The following PDS5B variants were observed in gnomAD, a reference collection of about 807,000 sequenced individuals.
PDS5B encodes the protein PDS5 cohesin associated factor B, also known as sister chromatid cohesion protein PDS5 homolog B.
In PDS5B, 51 loss-of-function variants were observed where a neutral mutation model predicts 184.1. That is an observed-to-expected ratio of 0.28 (90% CI 0.22 to 0.35). The LOEUF (loss-of-function observed/expected upper bound fraction) is 0.35, where lower values mean the gene tolerates loss of function less well. Ranked by LOEUF, PDS5B falls within the 10% of genes least tolerant of loss-of-function variation. The pLI, the probability that PDS5B is intolerant of heterozygous loss-of-function variation, is 1.00. For synonymous variants in PDS5B, 566 were observed against 569.2 expected (o/e 0.99, Z 0.08); for missense variants, 1,180 against 1,723.3 (o/e 0.68, Z 5.58).
rs536350070 is a variant in PDS5B at position 32,685,762 on chromosome 13, C to T, written c.1204-1372C>T. On this transcript the variant is annotated intron_variant, in intron 11 of 34. Coordinates refer to ENST00000315596, the MANE Select transcript of PDS5B (RefSeq NM_015032.4). ...GGTTCCAACAGTCCTCCCACCTCAG[C>T]CTCCTGAGTAGGTGGTACTACAGGC... is the stretch of plus-strand genomic sequence containing the variant. Among the ~76,000 whole-genome samples, 11 of 152,272 alleles carry T rather than the reference C, an allele frequency of 7.2e-5. No individual in the cohort carries two copies. The East Asian group carries it at 1.9e-3, about 27-fold the overall frequency.
At chr13:32,707,745 A>C (rs1458422872) in intron 18 of PDS5B, among the ~76,000 whole-genome samples, 1 of 150,388 alleles carries the variant, frequency 6.6e-6, no homozygotes, top group African/African-American at 2.5e-5. Context: ...AAGGACGTTA[A>C]AGCTTGTACA....
chr13:32,767,578 A>G (rs1249070238), intron 31 of PDS5B, among the ~76,000 whole-genome samples: 1 of 152,186 alleles, frequency 6.6e-6, no homozygotes, highest in East Asian at 1.9e-4. Flanking sequence ...AACCAGTGCA[A>G]CAACAAACAT....
At chr13:32,743,507 G>A (rs1327407091) in intron 23 of PDS5B, among the ~76,000 whole-genome samples, 1 of 152,130 alleles carries the variant, frequency 6.6e-6, no homozygotes, top group Non-Finnish European at 1.5e-5. Flanking sequence ...TGTAAACCAA[G>A]TGCCATTTGG....
chr13:32,640,733 T>C (rs1383338308), intron 1 of PDS5B, among the ~76,000 whole-genome samples: 1 of 151,756 alleles, frequency 6.6e-6, no homozygotes, highest in Non-Finnish European at 1.5e-5. Context: ...TTAAAGTTTA[T>C]ATTTTTTAAA....
intron 1 of PDS5B, among the ~76,000 whole-genome samples, chr13:32,590,474 G>T (rs930568305): frequency 6.6e-6 from 1 of 152,146 alleles, no homozygotes; most frequent in African/African-American, 2.4e-5. Flanking sequence ...ACTTAGTTCC[G>T]AAGGAGCAGG....
intron 7 of PDS5B, among the ~76,000 whole-genome samples, chr13:32,670,507 C>T (rs762187695): frequency 6.6e-6 from 1 of 152,086 alleles, no homozygotes; most frequent in Non-Finnish European, 1.5e-5. Flanking sequence ...AGATTATAGG[C>T]GTGAACCACC....
intron 21 of PDS5B, among the ~76,000 whole-genome samples, chr13:32,736,852 A>G (rs776026062): frequency 5.9e-5 from 9 of 151,648 alleles, no homozygotes; most frequent in Admixed American, 3.3e-4. Context: ...TTTCTGACCT[A>G]TCTTTGAGTT....
At chr13:32,731,875 A>G (rs1196677339) in intron 19 of PDS5B, among the ~76,000 whole-genome samples, 1 of 152,128 alleles carries the variant, frequency 6.6e-6, no homozygotes. Flanking sequence ...AGTGTTTGCT[A>G]TTGGTGAATA....
intron 20 of PDS5B, among the ~76,000 whole-genome samples, chr13:32,733,970 G>T (rs1953217458): frequency 8.5e-6 from 1 of 117,162 alleles, no homozygotes; most frequent in East Asian, 2.2e-4. Context: ...TCACCCTTCT[G>T]ATTTCAAAAA....
intron 10 of PDS5B, among the ~76,000 whole-genome samples, chr13:32,682,426 T>A (rs894296231): frequency 6.6e-6 from 1 of 152,212 alleles, no homozygotes; most frequent in African/African-American, 2.4e-5. Context: ...GAGATCTGGC[T>A]GCTTTCACAT....
intron 24 of PDS5B, among the ~76,000 whole-genome samples, chr13:32,746,682 C>G (rs922940617): frequency 2.6e-5 from 4 of 152,142 alleles, no homozygotes; most frequent in African/African-American, 9.7e-5. Context: ...ACATCAACCA[C>G]AAAACTGTGA....
chr13:32,645,190 C>G (rs1488241993), intron 1 of PDS5B, among the ~76,000 whole-genome samples: 1 of 151,992 alleles, frequency 6.6e-6, no homozygotes, highest in African/African-American at 2.4e-5. Flanking sequence ...GCTTTGTTGC[C>G]CTGGCTGGTC....
At chr13:32,685,320 G>A (rs1266825816) in intron 11 of PDS5B, among the ~76,000 whole-genome samples, 2 of 152,132 alleles carry the variant, frequency 1.3e-5, no homozygotes, top group Non-Finnish European at 2.9e-5. Flanking sequence ...AGTGAAAAGG[G>A]CCAAAAGGCA....
intron 24 of PDS5B, among the ~76,000 whole-genome samples, chr13:32,751,541 TAATG>T (rs764553697): frequency 6.6e-6 from 1 of 152,246 alleles, no homozygotes; most frequent in African/African-American, 2.4e-5. Context: ...GGCTTTCTAA[TAATG>T]GCCGTTCTGA....
intron 1 of PDS5B, among the ~76,000 whole-genome samples, chr13:32,596,754 C>T (rs550616495): frequency 6.6e-6 from 1 of 152,124 alleles, no homozygotes; most frequent in South Asian, 2.1e-4. Context: ...TGATGTTGAG[C>T]ACCTTTTTGC....
At chr13:32,608,839 G>A (rs564612874) in intron 1 of PDS5B, among the ~76,000 whole-genome samples, 4 of 152,302 alleles carry the variant, frequency 2.6e-5, no homozygotes, top group East Asian at 1.9e-4. Context: ...CTGTGCCACC[G>A]AAGGTGAACC....
At chr13:32,741,050 GGTT>G in intron 21 of PDS5B, 27 bp from the exon 22 acceptor site, 14 of 1,036,652 alleles carry the variant, frequency 1.4e-5, no homozygotes, top group Middle Eastern at 2.4e-4. Context: ...TAAAGTCCCT[GGTT>G]TTTTTTTTTT....
intron 6 of PDS5B, among the ~76,000 whole-genome samples, chr13:32,667,349 C>T (rs1479930364): frequency 6.6e-6 from 1 of 152,136 alleles, no homozygotes; most frequent in East Asian, 1.9e-4. Flanking sequence ...TTTGTCCCTC[C>T]CCGCCTATGG....
chr13:32,708,146 G>C (rs1219392869), intron 18 of PDS5B, among the ~76,000 whole-genome samples: 2 of 152,132 alleles, frequency 1.3e-5, no homozygotes, highest in African/African-American at 4.8e-5. Context: ...ACTGCCCTGA[G>C]CTACAACTCT....
Sources: allele counts gnomAD v4.1 joint callset (sites outside exome capture counted in the v4.1 genomes callset), GRCh38; gene constraint gnomAD v4.1.1; transcripts MANE v1.5; gene names NCBI Gene and HGNC (gene_info 2026-07-23, HGNC 2026-07-21).